Variants in KANSL1 observed in about 807,000 individuals in gnomAD.
KANSL1 encodes MLL1/MLL complex subunit KANSL1.
KANSL1 carries 22 observed loss-of-function variants against 103.6 expected under a neutral mutation model. The ratio of observed to expected loss-of-function variants is 0.21; its 90% CI spans 0.15 to 0.30. The LOEUF (loss-of-function observed/expected upper bound fraction) is 0.30, where lower values mean the gene tolerates loss of function less well. KANSL1 is among the 10% of genes least tolerant of loss of function. KANSL1 has a pLI of 1.00. For missense variants in KANSL1, 1,337 were observed against 1,399.8 expected (o/e 0.96, Z 0.72); for synonymous variants, 600 against 527.6 (o/e 1.14, Z -1.88).
chr17:46,177,078 C>G (rs1168578977), intron 1 of KANSL1, among the ~76,000 whole-genome samples: 18 of 152,224 alleles, frequency 1.2e-4, no homozygotes, highest in Admixed American at 1.2e-3. Context: ...AGCACTGACT[C>G]AAGTGAGCAA....
At chr17:46,190,447 G>C (rs2047260539) in intron 1 of KANSL1, among the ~76,000 whole-genome samples, 1 of 152,258 alleles carries the variant, frequency 6.6e-6, no homozygotes, top group African/African-American at 2.4e-5. Flanking sequence ...TGTTCTGAAC[G>C]TGGCTTTCAG....
At chr17:46,128,979 C>T (rs1413874188) in intron 2 of KANSL1, among the ~76,000 whole-genome samples, 1 of 152,136 alleles carries the variant, frequency 6.6e-6, no homozygotes, top group African/African-American at 2.4e-5. Context: ...ATGATAATAG[C>T]TTAGACTAGG....
intron 2 of KANSL1, among the ~76,000 whole-genome samples, chr17:46,117,202 GCA>G (rs1243335414): frequency 6.6e-6 from 1 of 152,194 alleles, no homozygotes; most frequent in East Asian, 1.9e-4. Context: ...CTTCAACTGA[GCA>G]CAGAGACTTC....
upstream of KANSL1, among the ~76,000 whole-genome samples, chr17:46,198,796 A>G (rs2047700834): frequency 6.6e-6 from 1 of 152,234 alleles, no homozygotes; most frequent in Non-Finnish European, 1.5e-5. Context: ...AGATAACACT[A>G]TATATAAAAA....
At chr17:46,155,584 C>T (rs1330106385) in intron 2 of KANSL1, among the ~76,000 whole-genome samples, 3 of 152,162 alleles carry the variant, frequency 2.0e-5, no homozygotes, top group African/African-American at 4.8e-5. Flanking sequence ...AGGCCAGAGA[C>T]GCCATCAGGC....
intron 2 of KANSL1, among the ~76,000 whole-genome samples, chr17:46,149,010 T>C (rs1346211557): frequency 9.1e-6 from 1 of 110,228 alleles, no homozygotes; most frequent in East Asian, 2.0e-4. Flanking sequence ...TTTTCTTTTT[T>C]TTTTTTTTTT....
chr17:46,031,277 G>A lies in KANSL1; in HGVS notation c.*199C>T. On this transcript the variant is annotated 3_prime_UTR_variant, in exon 15 of 15. Coordinates refer to ENST00000432791, the MANE Select transcript of KANSL1 (RefSeq NM_015443.4). ...TGCCAACGGGAGGAAGTGCTCAGGT[G>A]TGTGACAAGAAAACATGGAAACAAA... 1.6e-6 allele frequency: 1 copy of A among 623,904 alleles called. No individual in the cohort carries two copies. Among genetic ancestry groups the A allele is most frequent in the Non-Finnish European group, 2.8e-6 (1 of 360,256 alleles). 38.6% of individuals were successfully genotyped at this position (623,904 alleles called of 1,614,324 possible). A position where few individuals can be genotyped will look rare whatever the true frequency, so the allele number is the denominator to read the frequency against.
chr17:46,187,460 T>C (rs1173583174), intron 1 of KANSL1, among the ~76,000 whole-genome samples: 1 of 152,236 alleles, frequency 6.6e-6, no homozygotes, highest in East Asian at 1.9e-4. Context: ...CCAGAGTTTT[T>C]AAAATAACAT....
intron 2 of KANSL1, among the ~76,000 whole-genome samples, chr17:46,105,327 T>C (rs535848964): frequency 5.3e-5 from 8 of 152,170 alleles, no homozygotes; most frequent in South Asian, 2.1e-4. Flanking sequence ...TTCAAAGAGA[T>C]TGCTTGAGGC....
Position 46,171,500 on chromosome 17 carries a change from A to T in KANSL1, c.644T>A (p.Leu215His), listed in dbSNP as rs1198451594. The change falls in exon 2 of 15, where the codon CTT becomes CAT. Residue 215 changes from leucine to histidine, a missense_variant. Around this residue, in one of 2 missense-constraint regions of KANSL1, gnomAD observed 557 missense variants for 476.4 expected, o/e 1.17. Coordinates refer to ENST00000432791, the MANE Select transcript of KANSL1 (RefSeq NM_015443.4). Reference protein sequence around the residue: ...MTNCTLPHRSLDVEHTTLYSN... With the variant: ...MTNCTLPHRSHDVEHTTLYSN... Reference sequence around the variant, plus strand: ...ATACAAAGTTGTGTGTTCTACATCAAGGCTTCTATGTGGAAGAGTGCAATT... The same window carrying T: ...ATACAAAGTTGTGTGTTCTACATCATGGCTTCTATGTGGAAGAGTGCAATT... 2 of 1,614,122 alleles carry T rather than the reference A, an allele frequency of 1.2e-6. No individual in the cohort carries two copies. The highest frequency in any genetic ancestry group is 3.3e-5 in the Admixed American group (2 of 60,020).
chr17:46,143,803 CAAAAAAAAAAAA>C (rs57361021), intron 2 of KANSL1, among the ~76,000 whole-genome samples: 24 of 85,546 alleles, frequency 2.8e-4, no homozygotes, highest in Non-Finnish European at 1.6e-4. Flanking sequence ...GACTCCATCT[CAAAAAAAAAAAA>C]AAAAAAAAAA....
intron 2 of KANSL1, among the ~76,000 whole-genome samples, chr17:46,132,362 C>T (rs142531392): frequency 2.8e-4 from 42 of 152,342 alleles, no homozygotes; most frequent in African/African-American, 1.0e-3. Context: ...GGCACATAGT[C>T]TCAAATACTG....
At chr17:46,177,661 T>C (rs2046587553) in intron 1 of KANSL1, among the ~76,000 whole-genome samples, 1 of 152,214 alleles carries the variant, frequency 6.6e-6, no homozygotes, top group African/African-American at 2.4e-5. Context: ...TCTTGGCTTA[T>C]GTAAAGTCTC....
At chr17:46,117,125 G>C (rs1454161250) in intron 2 of KANSL1, among the ~76,000 whole-genome samples, 1 of 152,156 alleles carries the variant, frequency 6.6e-6, no homozygotes, top group African/African-American at 2.4e-5. Flanking sequence ...TGACCACTTT[G>C]GTCAACAGAA....
chr17:46,046,631 T>G (rs1329179313), intron 7 of KANSL1, among the ~76,000 whole-genome samples: 2 of 131,884 alleles, frequency 1.5e-5, no homozygotes, highest in African/African-American at 5.8e-5. Context: ...AGGTCAGGAG[T>G]TCAAGACCCT....
intron 2 of KANSL1, among the ~76,000 whole-genome samples, chr17:46,137,887 A>G (rs2147336240): frequency 6.6e-6 from 1 of 152,192 alleles, no homozygotes; most frequent in Non-Finnish European, 1.5e-5. Flanking sequence ...AAAAAAGAAA[A>G]TTGTTTCATA....
intron 4 of KANSL1, among the ~76,000 whole-genome samples, chr17:46,074,338 T>G (rs1394606266): frequency 6.6e-6 from 1 of 152,104 alleles, no homozygotes; most frequent in Non-Finnish European, 1.5e-5. Flanking sequence ...GGGACCATCC[T>G]GATATTCACA....
chr17:46,194,229 C>G (rs2047526629), upstream of KANSL1, among the ~76,000 whole-genome samples: 2 of 152,282 alleles, frequency 1.3e-5, no homozygotes, highest in Non-Finnish European at 2.9e-5. Context: ...GGTGTCATGG[C>G]TTGGCAGATC....
At chr17:46,033,984 A>G (rs1411921080) in intron 11 of KANSL1, among the ~76,000 whole-genome samples, 177 bp downstream of exon 11, 1 of 152,260 alleles carries the variant, frequency 6.6e-6, no homozygotes, top group African/African-American at 2.4e-5. Flanking sequence ...GTGTATTCCT[A>G]TAATGGAATG....
Sources: allele counts gnomAD v4.1 joint callset (sites outside exome capture counted in the v4.1 genomes callset), GRCh38; gene constraint gnomAD v4.1.1; regional missense constraint gnomAD v4.1.1; transcripts MANE v1.5; gene names NCBI Gene and HGNC (gene_info 2026-07-23, HGNC 2026-07-21).